The following LHFPL2 variants were observed in gnomAD, a reference collection of about 807,000 sequenced individuals.
LHFPL2 encodes the protein LHFPL tetraspan subfamily member 2.
In LHFPL2, 7 loss-of-function variants were observed where a neutral mutation model predicts 17.5. The ratio of observed to expected loss-of-function variants is 0.40; its 90% CI spans 0.23 to 0.75. The LOEUF is 0.75. Among genes scored for constraint, LHFPL2 ranks in the 30% least tolerant of loss-of-function variants. LHFPL2 has a pLI of 0.37. For missense variants in LHFPL2, 241 were observed against 294.8 expected (o/e 0.82, Z 1.34); for synonymous variants, 134 against 116.2 (o/e 1.15, Z -0.99).
chr5:78,612,500 G>C (rs1366543149), intron 2 of LHFPL2, among the ~76,000 whole-genome samples: 1 of 152,184 alleles, frequency 6.6e-6, no homozygotes, highest in Non-Finnish European at 1.5e-5. Flanking sequence ...AGAGAGGAGA[G>C]TTTGCTATAA....
chr5:78,518,794 A>G (rs1489604552), intron 3 of LHFPL2, among the ~76,000 whole-genome samples: 1 of 152,224 alleles, frequency 6.6e-6, no homozygotes, highest in Non-Finnish European at 1.5e-5. Flanking sequence ...GTACTTGTTC[A>G]TATGATCCAG....
chr5:78,645,675 C>A (rs535487898), intron 1 of LHFPL2, among the ~76,000 whole-genome samples: 1 of 152,064 alleles, frequency 6.6e-6, no homozygotes. Context: ...CTCCGCCACC[C>A]GGGTTCAAGC....
At chr5:78,500,594 C>T (rs1035217819) in intron 4 of LHFPL2, among the ~76,000 whole-genome samples, 2 of 152,180 alleles carry the variant, frequency 1.3e-5, no homozygotes, top group African/African-American at 4.8e-5. Context: ...TGCTTGTCTT[C>T]CCCAGATGCC....
intron 1 of LHFPL2, among the ~76,000 whole-genome samples, chr5:78,643,105 G>A (rs890487996): frequency 2.0e-5 from 3 of 151,928 alleles, no homozygotes; most frequent in African/African-American, 4.8e-5. Flanking sequence ...GACTCCCTTC[G>A]CTCAGTGCTC....
chr5:78,584,627 G>C (rs1743295790), intron 2 of LHFPL2, among the ~76,000 whole-genome samples: 1 of 152,146 alleles, frequency 6.6e-6, no homozygotes, highest in African/African-American at 2.4e-5. Flanking sequence ...CACTTGAGGA[G>C]GCAGTCTGCC....
chr5:78,541,904 A>G (rs930995042), intron 3 of LHFPL2, among the ~76,000 whole-genome samples: 3 of 152,170 alleles, frequency 2.0e-5, no homozygotes, highest in Non-Finnish European at 4.4e-5. Flanking sequence ...CCAGAACCAC[A>G]GTGGTTAAGT....
At chr5:78,562,922 C>A (rs1756767934) in intron 3 of LHFPL2, among the ~76,000 whole-genome samples, 1 of 152,176 alleles carries the variant, frequency 6.6e-6, no homozygotes, top group Admixed American at 6.5e-5. Flanking sequence ...TGGCAGTGAC[C>A]AGGGTGACAA....
At chr5:78,509,311 G>C (rs1755029167) in intron 4 of LHFPL2, among the ~76,000 whole-genome samples, 1 of 152,152 alleles carries the variant, frequency 6.6e-6, no homozygotes, top group South Asian at 2.1e-4. Context: ...TCATCTGGGG[G>C]CTGGAGCTGA....
intron 3 of LHFPL2, among the ~76,000 whole-genome samples, chr5:78,546,817 T>C (rs1278735218): frequency 6.6e-6 from 1 of 152,216 alleles, no homozygotes; most frequent in East Asian, 1.9e-4. Context: ...TGTCTGTGGA[T>C]TGATCGATGC....
intron 2 of LHFPL2, among the ~76,000 whole-genome samples, chr5:78,591,477 T>A (rs1280118875): frequency 6.6e-6 from 1 of 152,228 alleles, no homozygotes; most frequent in African/African-American, 2.4e-5. Context: ...AGACGAGTCA[T>A]AATTTGCCAT....
At chr5:78,528,277 G>A (rs540348137) in intron 3 of LHFPL2, among the ~76,000 whole-genome samples, 46 of 152,262 alleles carry the variant, frequency 3.0e-4, no homozygotes, top group African/African-American at 1.1e-3. Context: ...ACCGGTCTGT[G>A]GCCTGTTAGG....
chr5:78,564,545 G>GT lies in LHFPL2; in HGVS notation c.-186+267dup, dbSNP rs1363023214. 4.6e-5 allele frequency among the ~76,000 whole-genome samples: 7 copies of GT among 152,278 alleles called. No homozygotes were observed. The South Asian group carries it at 1.0e-3, about 23-fold the overall frequency. On this transcript the variant is annotated intron_variant, in intron 3 of 4. Transcript: ENST00000380345. The stretch of plus-strand genomic sequence containing the variant: ...TATTATAAAGAGCTCTGAAACTTGG[G>GT]TATGAATGGTGACAAACAAAGCATG...
rs1156436527 is a variant in LHFPL2 at position 78,632,368 on chromosome 5, C to T, written c.-349G>A. 1.3e-5 allele frequency: 2 copies of T among 152,196 alleles called. No individual in the cohort carries two copies. The highest frequency in any genetic ancestry group is 4.8e-5 in the African/African-American group (2 of 41,442). 9.4% of individuals were successfully genotyped at this position (152,196 alleles called of 1,614,324 possible). ...ACTCAAGAGTCTGATTCCCAACTCACCTGAAAAACAATTGGAAAAAGTCAT... is the reference window on the plus strand; with the variant it reads ...ACTCAAGAGTCTGATTCCCAACTCATCTGAAAAACAATTGGAAAAAGTCAT... On this transcript the variant is annotated splice_region_variant and 5_prime_UTR_variant, in exon 2 of 5. The change creates a new upstream start codon in the 5' untranslated region. Transcript: ENST00000380345.
intron 2 of LHFPL2, among the ~76,000 whole-genome samples, chr5:78,628,596 AAGG>A (rs1745142166): frequency 6.6e-6 from 1 of 152,238 alleles, no homozygotes; most frequent in Non-Finnish European, 1.5e-5. Flanking sequence ...TGGCAAAAAG[AAGG>A]AGGTCAGCAT....
chr5:78,611,510 C>T (rs1252886534), intron 2 of LHFPL2, among the ~76,000 whole-genome samples: 1 of 152,140 alleles, frequency 6.6e-6, no homozygotes, highest in Non-Finnish European at 1.5e-5. Flanking sequence ...CCGCCAGAAT[C>T]CTGGGGAAAA....
At chr5:78,491,317 G>A (rs1212118461) in intron 4 of LHFPL2, 1 of 152,372 alleles carries the variant, frequency 6.6e-6, no homozygotes. Flanking sequence ...AGATCTGAAT[G>A]GTGGGAACCT....
At chr5:78,624,658 T>G (rs1744967609) in intron 2 of LHFPL2, among the ~76,000 whole-genome samples, 1 of 152,218 alleles carries the variant, frequency 6.6e-6, no homozygotes, top group Non-Finnish European at 1.5e-5. Context: ...ATAACTATTC[T>G]AAATTTTAAA....
intron 3 of LHFPL2, among the ~76,000 whole-genome samples, chr5:78,554,535 T>G (rs1756523974): frequency 6.6e-6 from 1 of 152,254 alleles, no homozygotes; most frequent in Non-Finnish European, 1.5e-5. Flanking sequence ...GTCACCTACT[T>G]GCACTTGAAT....
rs571087210 is a variant in LHFPL2, at chr5:78,638,004, T to C, written c.-349-5636A>G. 7.2e-5 allele frequency among the ~76,000 whole-genome samples: 11 copies of C among 152,226 alleles called. No homozygotes were observed. The South Asian group carries it at 2.3e-3, about 32-fold the overall frequency. On this transcript the variant is annotated intron_variant, in intron 1 of 4. Transcript: ENST00000380345. Reference sequence around the variant, plus strand: ...GGTTTGTCTTGGGGCCAGATCACCATCAGCAGGACCCAATGAATAGCTGAC... The same window carrying C: ...GGTTTGTCTTGGGGCCAGATCACCACCAGCAGGACCCAATGAATAGCTGAC...
Sources: allele counts gnomAD v4.1 joint callset (sites outside exome capture counted in the v4.1 genomes callset), GRCh38; gene constraint gnomAD v4.1.1; transcripts MANE v1.5; gene names NCBI Gene and HGNC (gene_info 2026-07-23, HGNC 2026-07-21).